PATJ: variants seen among roughly 807,000 people sequenced by gnomAD.
The protein encoded by PATJ is inaD-like protein.
In PATJ, 190 loss-of-function variants were observed where a neutral mutation model predicts 224.9. The ratio of observed to expected loss-of-function variants is 0.84; its 90% CI spans 0.75 to 0.95. The LOEUF is 0.95. Ranked by LOEUF, PATJ falls within the 40% of genes least tolerant of loss-of-function variation. The pLI, the probability that PATJ is intolerant of heterozygous loss-of-function variation, is 0.00. For synonymous variants in PATJ, 769 were observed against 820.3 expected (o/e 0.94, Z 1.07); for missense variants, 2,121 against 2,270.3 (o/e 0.93, Z 1.34).
chr1:62,059,362 C>T (rs555725458), intron 31 of PATJ, among the ~76,000 whole-genome samples: 45 of 152,306 alleles, frequency 3.0e-4, no homozygotes, highest in African/African-American at 8.9e-4. Flanking sequence ...TTGCTCACCC[C>T]TGTAATCCCA....
intron 27 of PATJ, among the ~76,000 whole-genome samples, chr1:61,956,418 G>A (rs1680449667): frequency 6.6e-6 from 1 of 152,114 alleles, no homozygotes; most frequent in African/African-American, 2.4e-5. Context: ...CCTGCTTCGG[G>A]TTTTCCATAT....
At chr1:61,930,751 A>G (rs1313604633) in intron 27 of PATJ, among the ~76,000 whole-genome samples, 1 of 152,068 alleles carries the variant, frequency 6.6e-6, no homozygotes, top group Non-Finnish European at 1.5e-5. Flanking sequence ...CTTGTTGCCC[A>G]GGCTGGCATG....
intron 16 of PATJ, among the ~76,000 whole-genome samples, chr1:61,828,560 A>G (rs887440548): frequency 2.6e-5 from 4 of 151,858 alleles, no homozygotes; most frequent in Non-Finnish European, 4.4e-5. Flanking sequence ...CAGCTAACTA[A>G]AAAATTTTTT....
At chr1:61,901,206 T>G (rs2499002) in intron 23 of PATJ, 76 bp from the exon 24 acceptor site, 624,187 of 804,774 alleles carry the variant, frequency 0.78, 243,348 homozygotes, top group East Asian at 1. Flanking sequence ...CACAAGGATA[T>G]GATGCAAATG....
chr1:61,856,362 T>G (rs1247270164), intron 18 of PATJ, 123 bp downstream of exon 18: 5 of 723,858 alleles, frequency 6.9e-6, no homozygotes, highest in Non-Finnish European at 1.2e-5. Flanking sequence ...TGTGTGACCT[T>G]GGGCAGGTTT....
At chr1:62,060,881 A>G (rs550390269) in intron 31 of PATJ, among the ~76,000 whole-genome samples, 2 of 152,292 alleles carry the variant, frequency 1.3e-5, no homozygotes, top group South Asian at 4.2e-4. Flanking sequence ...TAGTAGAGAC[A>G]GGGTTTCACC....
At chr1:61,764,833 C>T (rs978597460) in intron 3 of PATJ, among the ~76,000 whole-genome samples, 2 of 152,022 alleles carry the variant, frequency 1.3e-5, no homozygotes, top group Non-Finnish European at 2.9e-5. Flanking sequence ...CTCTTGGTCA[C>T]AGAATATCAC....
chr1:61,919,035 A>G (rs1673883380), intron 26 of PATJ, among the ~76,000 whole-genome samples: 1 of 152,108 alleles, frequency 6.6e-6, no homozygotes, highest in South Asian at 2.1e-4. Context: ...AAAATTGGTA[A>G]TTATTTGCTA....
intron 20 of PATJ, among the ~76,000 whole-genome samples, chr1:61,869,298 G>A (rs1351871560): frequency 6.6e-6 from 1 of 151,552 alleles, no homozygotes; most frequent in African/African-American, 2.4e-5. Flanking sequence ...AGTAGAGACG[G>A]GGTTTCACCG....
At position 61,805,540 on chromosome 1, in the gene PATJ, C is replaced by G. The variant is rs1653359704; in HGVS notation, c.1626+16C>G. The G allele has an allele frequency of 6.9e-7, 1 of 1,448,740 alleles. No individual in the cohort carries two copies. Among genetic ancestry groups the G allele is most frequent in the Admixed American group, 1.7e-5 (1 of 58,080 alleles). 89.7% of individuals were successfully genotyped at this position (1,448,740 alleles called of 1,614,324 possible). On this transcript the variant is annotated intron_variant, in intron 13 of 43. Transcript: ENST00000642238. ...TGAAGTAATGGTATGTTAAAATGCT[C>G]TAATAAAAAACATTCATGTCTCATT...
Position 61,861,579 on chromosome 1 carries a change from T to G in PATJ, c.2351T>G (p.Ile784Ser), listed in dbSNP as rs1221358520. The change falls in exon 19 of 44, where the codon ATT (isoleucine) becomes AGT (serine). Residue 784 changes from isoleucine to serine, a missense_variant. By Grantham distance (142) the Ile-to-Ser change is moderately radical. Transcript: ENST00000642238. ...GATAATGAAGAAGAAAGTTGTTATA[T>G]TTTACATTCAAGCAGTAATGAAGAC... is the stretch of plus-strand genomic sequence containing the variant. ...VEDNEEESCY[I>S]LHSSSNEDKT... 1.4e-6 allele frequency: 2 copies of G among 1,446,908 alleles called. No homozygotes were observed. The highest frequency in any genetic ancestry group is 1.3e-5 in the South Asian group (1 of 76,858). The allele number at this position is 1,446,908 out of a possible 1,614,324, so 89.6% of individuals were successfully genotyped here. A position where few individuals can be genotyped will look rare whatever the true frequency, so the allele number is the denominator to read the frequency against.
At chr1:61,999,870 T>A (rs939980268) in intron 28 of PATJ, among the ~76,000 whole-genome samples, 1 of 151,578 alleles carries the variant, frequency 6.6e-6, no homozygotes. Context: ...AGAGTTGTGG[T>A]TTTTGTTTTT....
At chr1:61,748,553 G>C (rs1645153029) in intron 1 of PATJ, among the ~76,000 whole-genome samples, 1 of 152,052 alleles carries the variant, frequency 6.6e-6, no homozygotes, top group Non-Finnish European at 1.5e-5. Flanking sequence ...ACTGCGCCTG[G>C]CCATGTAAAT....
chr1:62,147,660 G>T (rs1181039607), intron 41 of PATJ, among the ~76,000 whole-genome samples: 1 of 152,058 alleles, frequency 6.6e-6, no homozygotes, highest in African/African-American at 2.4e-5. Context: ...TTAGCTGGGC[G>T]TACTGGCACT....
At chr1:62,092,224 T>C (rs1338085668) in intron 33 of PATJ, among the ~76,000 whole-genome samples, 1 of 147,924 alleles carries the variant, frequency 6.8e-6, no homozygotes, top group African/African-American at 2.5e-5. Flanking sequence ...AAAAAAATTT[T>C]TTTTAATTAG....
intron 33 of PATJ, among the ~76,000 whole-genome samples, chr1:62,088,051 C>G (rs1034118016): frequency 6.6e-6 from 1 of 152,018 alleles, no homozygotes; most frequent in Non-Finnish European, 1.5e-5. Flanking sequence ...ACCACCATGA[C>G]TGGCTAATTT....
intron 32 of PATJ, among the ~76,000 whole-genome samples, chr1:62,079,819 G>C (rs1658960125): frequency 6.6e-6 from 1 of 152,056 alleles, no homozygotes; most frequent in South Asian, 2.1e-4. Context: ...AGTAGGTCAG[G>C]AGTTCAAGAC....
intron 41 of PATJ, among the ~76,000 whole-genome samples, chr1:62,135,220 G>T (rs113270042): frequency 2.0e-5 from 3 of 151,918 alleles, no homozygotes; most frequent in African/African-American, 4.8e-5. Flanking sequence ...CAAATAAAAA[G>T]CCAACTAATG....
chr1:62,017,155 C>A (rs13376462), intron 28 of PATJ, among the ~76,000 whole-genome samples: 5,887 of 152,274 alleles, frequency 0.039, 375 homozygotes, highest in African/African-American at 0.13. Context: ...ACCCACTTAA[C>A]AATCATTAGA....
Sources: allele counts gnomAD v4.1 joint callset (sites outside exome capture counted in the v4.1 genomes callset), GRCh38; gene constraint gnomAD v4.1.1; transcripts MANE v1.5; gene names NCBI Gene and HGNC (gene_info 2026-07-23, HGNC 2026-07-21).